TUBB6: variants seen among roughly 807,000 people sequenced by gnomAD.
The protein encoded by TUBB6 is tubulin beta-6 chain.
TUBB6 carries 18 observed loss-of-function variants against 32.3 expected under a neutral mutation model. That is an observed-to-expected ratio of 0.56 (90% confidence interval 0.39 to 0.83). The LOEUF (loss-of-function observed/expected upper bound fraction) is 0.83. Among genes scored for constraint, TUBB6 ranks in the 40% least tolerant of loss-of-function variants. The pLI, the probability that TUBB6 is intolerant of heterozygous loss-of-function variation, is 0.00. For missense variants in TUBB6, 480 were observed against 632.0 expected (o/e 0.76, Z 2.58); for synonymous variants, 280 against 265.8 (o/e 1.05, Z -0.52).
At chr18:12,318,729 T>C (rs1240986528) in intron 3 of TUBB6, among the ~76,000 whole-genome samples, 1 of 148,428 alleles carries the variant, frequency 6.7e-6, no homozygotes, top group Non-Finnish European at 1.5e-5. Flanking sequence ...CTCTGGAAAC[T>C]TCAGTGTTCA....
chr18:12,318,993 A>C (rs1052340398), intron 3 of TUBB6, among the ~76,000 whole-genome samples: 1 of 152,232 alleles, frequency 6.6e-6, no homozygotes, highest in Non-Finnish European at 1.5e-5. Flanking sequence ...TTTTTCAAAC[A>C]GTACACATAG....
chr18:12,310,104 C>T (rs919157316), intron 2 of TUBB6, among the ~76,000 whole-genome samples: 1 of 152,206 alleles, frequency 6.6e-6, no homozygotes, highest in African/African-American at 2.4e-5. Flanking sequence ...CATCCTGCCT[C>T]TTCCTGGAAC....
At chr18:12,328,111 G>A (rs545525556), downstream of TUBB6, among the ~76,000 whole-genome samples, 210 of 152,384 alleles carry the variant, frequency 1.4e-3, no homozygotes, top group Non-Finnish European at 2.5e-3. Flanking sequence ...CTCCTGGCAT[G>A]CTGAGCTGTG....
chr18:12,312,181 A>G (rs1357104723), intron 3 of TUBB6, among the ~76,000 whole-genome samples: 2 of 152,228 alleles, frequency 1.3e-5, no homozygotes, highest in Non-Finnish European at 2.9e-5. Context: ...AAACTTCCCA[A>G]CATTTCCTAT....
intron 3 of TUBB6, among the ~76,000 whole-genome samples, chr18:12,313,924 G>A (rs2144137025): frequency 6.6e-6 from 1 of 152,306 alleles, no homozygotes; most frequent in South Asian, 2.1e-4. Context: ...TCAATTCAGA[G>A]GGACTGCTCT....
At chr18:12,315,971 A>C (rs557056438) in intron 3 of TUBB6, among the ~76,000 whole-genome samples, 7 of 152,372 alleles carry the variant, frequency 4.6e-5, no homozygotes, top group African/African-American at 1.7e-4. Flanking sequence ...GTTGTCTCAA[A>C]GGTGTGGTCA....
chr18:12,314,239 C>A (rs1475045369), intron 3 of TUBB6, among the ~76,000 whole-genome samples: 1 of 151,878 alleles, frequency 6.6e-6, no homozygotes, highest in African/African-American at 2.4e-5. Flanking sequence ...TGAAGGACCC[C>A]CCCCAAGCAT....
chr18:12,308,574 G>C, intron 1 of TUBB6, 113 bp from the exon 2 acceptor site: 1 of 845,470 alleles, frequency 1.2e-6, no homozygotes, highest in Non-Finnish European at 1.8e-6. Flanking sequence ...GCGGCTGCCG[G>C]CGGCTCAGGC....
Position 12,310,976 on chromosome 18 carries a change from A to G in TUBB6, c.200A>G (p.Asp67Gly). Residue 67 changes from aspartate (D) to glycine (G), a missense_variant, in exon 3 of 4, where the codon GAC becomes GGC. Coordinates refer to ENST00000317702, the MANE Select transcript of TUBB6 (RefSeq NM_032525.3). Reference protein sequence around the residue: ...QKYVPRAALVDLEPGTMDSVR... With the variant: ...QKYVPRAALVGLEPGTMDSVR... ...TATGTGCCCAGGGCCGCCCTGGTGG[A>G]CTTAGAGCCAGGCACCATGGACAGC... 6.2e-7 allele frequency: 1 copy of G among 1,613,550 alleles called. No individual in the cohort carries two copies. The highest frequency in any genetic ancestry group is 1.1e-5 in the South Asian group (1 of 91,004).
chr18:12,318,791 C>T (rs1263878891), intron 3 of TUBB6, among the ~76,000 whole-genome samples: 3 of 146,676 alleles, frequency 2.0e-5, no homozygotes, highest in Non-Finnish European at 4.5e-5. Flanking sequence ...GGGGTCTCGC[C>T]TTGTCACCCA....
rs571663726 is a variant in TUBB6 at position 12,318,494 on chromosome 18, G to A, written c.278-6573G>A. On this transcript the variant is annotated intron_variant, in intron 3 of 3. Coordinates refer to ENST00000317702, the MANE Select transcript of TUBB6 (RefSeq NM_032525.3). ...TAAAGTGGCCAGGCCCACGGGGTGT[G>A]CTGCAAGCACACAGCAGGCATCTGC... 2.0e-5 allele frequency among the ~76,000 whole-genome samples: 3 copies of A among 151,564 alleles called. No homozygotes were observed. In the South Asian group the frequency reaches 6.3e-4, roughly 32 times the overall value.
Position 12,326,381 on chromosome 18 carries a change from A to C in TUBB6, c.*251A>C. 1 of 503,388 alleles carries C rather than the reference A, an allele frequency of 2.0e-6. No individual in the cohort carries two copies. The highest frequency in any genetic ancestry group is 3.4e-5 in the East Asian group (1 of 29,280). 31.2% of individuals were successfully genotyped at this position (503,388 alleles called of 1,614,324 possible). On this transcript the variant is annotated 3_prime_UTR_variant, in exon 4 of 4. Transcript: ENST00000317702. The stretch of plus-strand genomic sequence containing the variant: ...TACTAGAGGACTTGAAAGAGAACTG[A>C]GGGGCCACAAAATAAACTTCACCTT...
chr18:12,321,274 A>G (rs1252083236), intron 3 of TUBB6, among the ~76,000 whole-genome samples: 1 of 152,338 alleles, frequency 6.6e-6, no homozygotes, highest in East Asian at 1.9e-4. Context: ...TTAATGAAGA[A>G]TCACAGAATT....
At chr18:12,316,622 TTAAAA>T (rs1906687258) in intron 3 of TUBB6, among the ~76,000 whole-genome samples, 1 of 152,228 alleles carries the variant, frequency 6.6e-6, no homozygotes, top group South Asian at 2.1e-4. Context: ...TGCTTATTTG[TTAAAA>T]TAACATATTA....
downstream of TUBB6, among the ~76,000 whole-genome samples, chr18:12,326,974 G>A (rs554634543): frequency 2.4e-4 from 36 of 152,276 alleles, no homozygotes; most frequent in South Asian, 7.3e-3. Flanking sequence ...TTTCTGCTGT[G>A]ACCCATCACA....
At chr18:12,316,171 A>G (rs2144142922) in intron 3 of TUBB6, among the ~76,000 whole-genome samples, 1 of 152,370 alleles carries the variant, frequency 6.6e-6, no homozygotes, top group African/African-American at 2.4e-5. Flanking sequence ...AGAGAGTCGA[A>G]GCCATGAACT....
chr18:12,316,362 C>A (rs774261526), intron 3 of TUBB6, among the ~76,000 whole-genome samples: 2 of 152,232 alleles, frequency 1.3e-5, no homozygotes, highest in Non-Finnish European at 2.9e-5. Context: ...TTAAGACAGA[C>A]CTATGGTGCC....
At position 12,311,004 on chromosome 18, in the gene TUBB6, G is replaced by A; in HGVS notation, c.228G>A (p.Val76=). 2.5e-6 allele frequency: 4 copies of A among 1,613,852 alleles called. No individual in the cohort carries two copies. The highest frequency in any genetic ancestry group is 1.1e-5 in the South Asian group (1 of 91,040). The change falls in exon 3 of 4, where the codon GTG becomes GTA. Residue 76 remains valine (V), a synonymous_variant. Coordinates refer to ENST00000317702, the MANE Select transcript of TUBB6 (RefSeq NM_032525.3). ...VDLEPGTMDS[V]RSGPFGQLFR... ...TAGAGCCAGGCACCATGGACAGCGTGCGGTCTGGGCCTTTTGGGCAGCTTT... is the reference window on the plus strand; with the variant it reads ...TAGAGCCAGGCACCATGGACAGCGTACGGTCTGGGCCTTTTGGGCAGCTTT...
intron 1 of TUBB6, 83 bp from the exon 2 acceptor site, chr18:12,308,604 C>G: frequency 9.1e-7 from 1 of 1,094,052 alleles, no homozygotes; most frequent in Non-Finnish European, 1.4e-6. Flanking sequence ...ATTCGGCCGC[C>G]GGGGCGCCTG....
Sources: allele counts gnomAD v4.1 joint callset (sites outside exome capture counted in the v4.1 genomes callset), GRCh38; gene constraint gnomAD v4.1.1; transcripts MANE v1.5; gene names NCBI Gene and HGNC (gene_info 2026-07-23, HGNC 2026-07-21).